SNRNP200: variants seen among roughly 807,000 people sequenced by gnomAD.
SNRNP200 encodes U5 small nuclear ribonucleoprotein 200 kDa helicase.
In SNRNP200, 66 loss-of-function variants were observed where a neutral mutation model predicts 255.2. The ratio of observed to expected loss-of-function variants is 0.26; its 90% CI spans 0.21 to 0.32. SNRNP200 has a LOEUF of 0.32. SNRNP200 is among the 10% of genes least tolerant of loss of function. The pLI, the probability that SNRNP200 is intolerant of heterozygous loss-of-function variation, is 1.00. For missense variants in SNRNP200, 1,585 were observed against 2,749.8 expected (o/e 0.58, Z 9.47); for synonymous variants, 939 against 1,027.8 (o/e 0.91, Z 1.65).
rs1168335471 is a variant in SNRNP200, at chr2:96,286,972, T to C, written c.3639+34A>G. 1 of 1,613,856 alleles carries C rather than the reference T, an allele frequency of 6.2e-7. No individual in the cohort carries two copies. The highest frequency in any genetic ancestry group is 1.3e-5 in the African/African-American group (1 of 74,886). ...GGCCCAGCAACGTAGACTGAGCACC[T>C]CCAATCCAGCACCTCTGCCCAGCAA... On this transcript the variant is annotated intron_variant, in intron 27 of 44. Transcript: ENST00000323853. The surrounding 1 kb of genome is among the most constrained non-coding windows in gnomAD (Gnocchi z 4.8).
At position 96,287,759 on chromosome 2, in the gene SNRNP200, A is replaced by G; in HGVS notation, c.3365+104T>C. On this transcript the variant is annotated intron_variant, in intron 25 of 44. Transcript: ENST00000323853. This position sits in a 1 kb window ranked among gnomAD's most constrained non-coding sequence, Gnocchi z 5.7. ...CACCAAGGTTCAGGTCATACTTCCG[A>G]TGTCAGGTCTGGAGATCAGATGCAC... 1 of 1,059,438 alleles carries G rather than the reference A, an allele frequency of 9.4e-7. No homozygotes were observed. The highest frequency in any genetic ancestry group is 1.5e-6 in the Non-Finnish European group (1 of 675,042). 65.6% of individuals were successfully genotyped at this position (1,059,438 alleles called of 1,614,324 possible). A position where few individuals can be genotyped will look rare whatever the true frequency, so the allele number is the denominator to read the frequency against.
At chr2:96,297,092 C>CA in intron 11 of SNRNP200, 22 bp from the exon 12 acceptor site, 1 of 1,614,132 alleles carries the variant, frequency 6.2e-7, no homozygotes, top group Non-Finnish European at 8.5e-7. Context: ...GAAGTGCCAT[C>CA]AATATCATGT....
rs1351653087 is a variant in SNRNP200, at chr2:96,297,378, G to C, written c.1362C>G (p.Pro454=). ...EVHVPALKPK[P]FGSEEQLLPV... The stretch of plus-strand genomic sequence containing the variant: ...ATTCACTTACTTCTTCTGAGCCAAA[G>C]GGCTTGGGCTTCAGAGCAGGCACAT... The change falls in exon 11 of 45, where the codon CCC becomes CCG. Residue 454 remains proline, a synonymous_variant. Transcript: ENST00000323853. The C allele has an allele frequency of 3.1e-6, 5 of 1,613,828 alleles. No individual in the cohort carries two copies. The highest frequency in any genetic ancestry group is 3.4e-6 in the Non-Finnish European group (4 of 1,180,026).
At chr2:96,295,747 G>A in intron 13 of SNRNP200, 89 bp from the exon 14 acceptor site, 1 of 1,380,170 alleles carries the variant, frequency 7.2e-7, no homozygotes, top group Non-Finnish European at 1.0e-6. Flanking sequence ...GTAGGGCATT[G>A]GGAGCAGGTA....
intron 30 of SNRNP200, 103 bp from the exon 31 acceptor site, chr2:96,284,688 G>T: frequency 2.5e-6 from 2 of 800,558 alleles, no homozygotes; most frequent in Non-Finnish European, 2.2e-6. Flanking sequence ...TTGACCTGCA[G>T]ATCTCAAGCT....
At chr2:96,280,078 T>C (rs1378135825) in intron 35 of SNRNP200, among the ~76,000 whole-genome samples, 2 of 152,188 alleles carry the variant, frequency 1.3e-5, no homozygotes, top group Non-Finnish European at 2.9e-5. Context: ...CCAAACTTCA[T>C]AGTTGTGTAT....
chr2:96,298,193 T>C, intron 9 of SNRNP200, 91 bp downstream of exon 9: 1 of 1,580,386 alleles, frequency 6.3e-7, no homozygotes, highest in Non-Finnish European at 8.7e-7. Flanking sequence ...CTTTTTCAAC[T>C]TCCACTTTTA....
Position 96,298,893 on chromosome 2 carries a change from C to A in SNRNP200, c.804G>T (p.Leu268=). ...CATAGAAACGACTGAGCTGCCGCTG[C>A]AGCCAAAATGCATCAATATCCCGAG... ...LHPRDIDAFW[L]QRQLSRFYDD... The change falls in exon 7 of 45, where the codon CTG becomes CTT. Residue 268 remains leucine (L), a synonymous_variant. Coordinates refer to ENST00000323853, the MANE Select transcript of SNRNP200 (RefSeq NM_014014.5). 6.2e-7 allele frequency: 1 copy of A among 1,614,200 alleles called. No homozygotes were observed. The highest frequency in any genetic ancestry group is 8.5e-7 in the Non-Finnish European group (1 of 1,180,024).
rs756822325 is a variant in SNRNP200, at chr2:96,286,965, G to A, written c.3639+41C>T. On this transcript the variant is annotated intron_variant, in intron 27 of 44. Transcript: ENST00000323853. This position sits in a 1 kb window ranked among gnomAD's most constrained non-coding sequence, Gnocchi z 4.8. Reference sequence around the variant, plus strand: ...TCTCCTCGGCCCAGCAACGTAGACTGAGCACCTCCAATCCAGCACCTCTGC... The same window carrying A: ...TCTCCTCGGCCCAGCAACGTAGACTAAGCACCTCCAATCCAGCACCTCTGC... 4 of 1,613,968 alleles carry A rather than the reference G, an allele frequency of 2.5e-6. No individual in the cohort carries two copies. The Admixed American group carries it at 6.7e-5, about 27-fold the overall frequency.
In SNRNP200 at chr2:96,291,878, C is replaced by T. The variant is rs1477839027; in HGVS notation, c.2183G>A (p.Arg728Gln). Reference protein sequence around the residue: ...KNQVLVFVHSRKETGKTARAI... With the variant: ...KNQVLVFVHSQKETGKTARAI... ...CCTGGCTGTCTTTCCAGTCTCCTTC[C>T]GGGAGTGGACAAACACCAGCACCTA... is the stretch of plus-strand genomic sequence containing the variant. The change falls in exon 17 of 45, where the codon CGG (arginine) becomes CAG (glutamine). Residue 728 changes from arginine (R) to glutamine (Q), a missense_variant. Arg to Gln is a conservative substitution (Grantham distance 43). Around this residue, in one of 9 missense-constraint regions of SNRNP200, gnomAD observed 140 missense variants for 274.9 expected, o/e 0.51. Coordinates refer to ENST00000323853, the MANE Select transcript of SNRNP200 (RefSeq NM_014014.5). The surrounding 1 kb of genome is among the most constrained non-coding windows in gnomAD (Gnocchi z 4.2). 6 of 1,613,970 alleles carry T rather than the reference C, an allele frequency of 3.7e-6. No individual in the cohort carries two copies. Among genetic ancestry groups the T allele is most frequent in the South Asian group, 1.1e-5 (1 of 91,090 alleles).
In SNRNP200 at chr2:96,305,438, G is replaced by T. The variant is rs550918312; in HGVS notation, c.-1C>A. 2 of 1,614,134 alleles carry T rather than the reference G, an allele frequency of 1.2e-6. No homozygotes were observed. The highest frequency in any genetic ancestry group is 2.2e-5 in the South Asian group (2 of 91,090). On this transcript the variant is annotated 5_prime_UTR_variant, in exon 1 of 45. Coordinates refer to ENST00000323853, the MANE Select transcript of SNRNP200 (RefSeq NM_014014.5). ...GACTACGGGCGGTTACATCCGCCAT[G>T]GCCGCGGCTGCTCGGAGGCTTCAGA...
In SNRNP200 at chr2:96,295,528, C is replaced by T; in HGVS notation, c.1802G>A (p.Gly601Asp). ...CACCAGCTGGGTGTAGGTGCGCTCACCACCCTTGCGGGTGATGATGTCCCA... is the reference window on the plus strand; with the variant it reads ...CACCAGCTGGGTGTAGGTGCGCTCATCACCCTTGCGGGTGATGATGTCCCA... ...EKWDIITRKG[G>D]ERTYTQLVRL... Residue 601 changes from glycine (G) to aspartate (D), a missense_variant, in exon 14 of 45, where the codon GGT becomes GAT. Physicochemically the swap from Gly to Asp is moderately conservative, Grantham distance 94. Coordinates refer to ENST00000323853, the MANE Select transcript of SNRNP200 (RefSeq NM_014014.5). 6.2e-7 allele frequency: 1 copy of T among 1,613,974 alleles called. No individual in the cohort carries two copies. Among genetic ancestry groups the T allele is most frequent in the Non-Finnish European group, 8.5e-7 (1 of 1,179,982 alleles).
chr2:96,300,928 C>T lies in SNRNP200; in HGVS notation c.630+70G>A, dbSNP rs928899117. On this transcript the variant is annotated intron_variant, in intron 5 of 44. Coordinates refer to ENST00000323853, the MANE Select transcript of SNRNP200 (RefSeq NM_014014.5). Reference sequence around the variant, plus strand: ...TGGTTTAAACTAGAGAGCTTGTTTACACTAGAAGGGGTCCCTTTACCTTAA... The same window carrying T: ...TGGTTTAAACTAGAGAGCTTGTTTATACTAGAAGGGGTCCCTTTACCTTAA... 66 of 1,291,642 alleles carry T rather than the reference C, an allele frequency of 5.1e-5. No homozygotes were observed. The Middle Eastern group carries it at 1.3e-3, about 25-fold the overall frequency. 80.0% of individuals were successfully genotyped at this position (1,291,642 alleles called of 1,614,324 possible).
At chr2:96,301,101 A>G (rs1411303542) in intron 4 of SNRNP200, 48 bp from the exon 5 acceptor site, 20 of 1,533,612 alleles carry the variant, frequency 1.3e-5, no homozygotes, top group Non-Finnish European at 1.8e-5. Context: ...TGGCTAGTAA[A>G]ACAAGGCACT....
At chr2:96,276,457 A>G (rs1161920081) in intron 43 of SNRNP200, 2 of 155,508 alleles carry the variant, frequency 1.3e-5, no homozygotes, top group Non-Finnish European at 2.7e-5. Flanking sequence ...GAAGTCTCAC[A>G]CTCGCCTGGG....
At chr2:96,282,082 T>C in intron 34 of SNRNP200, 160 bp from the exon 35 acceptor site, 1 of 629,814 alleles carries the variant, frequency 1.6e-6, no homozygotes, top group Non-Finnish European at 2.9e-6. Context: ...GCTAACACAT[T>C]GCTATGAGGT....
chr2:96,296,601 A>T lies in SNRNP200; in HGVS notation c.1606T>A (p.Phe536Ile). ...ATGGGGGCAATGTAGATAATCTTGA[A>T]GTCATCCACATTGATGGTGCCGTCC... Reference protein sequence around the residue: ...NMDGTINVDDFKIIYIAPMRS... With the variant: ...NMDGTINVDDIKIIYIAPMRS... Residue 536 changes from phenylalanine (F) to isoleucine (I), a missense_variant, in exon 13 of 45, where the codon TTC (phenylalanine) becomes ATC (isoleucine). This residue lies in a region of SNRNP200 where 383 missense variants were observed against 645.3 expected (regional missense o/e 0.59). Transcript: ENST00000323853. The T allele has an allele frequency of 6.2e-7, 1 of 1,614,098 alleles. No homozygotes were observed. The highest frequency in any genetic ancestry group is 8.5e-7 in the Non-Finnish European group (1 of 1,179,978).
intron 24 of SNRNP200, 86 bp from the exon 25 acceptor site, chr2:96,288,055 C>T (rs896299807): frequency 2.5e-5 from 30 of 1,200,738 alleles, no homozygotes; most frequent in Non-Finnish European, 3.5e-5. Context: ...TCATTACCTC[C>T]AGCTCTGACA....
Position 96,277,972 on chromosome 2 carries a change from G to A in SNRNP200, c.5611-22C>T. On this transcript the variant is annotated intron_variant, in intron 39 of 44. Transcript: ENST00000323853. The surrounding 1 kb of genome is among the most constrained non-coding windows in gnomAD (Gnocchi z 4.4). Reference sequence around the variant, plus strand: ...CCAACTACAAAGTGGAAGAAAAATAGCTGGTGATGAACAGGTGACCCTGCC... The same window carrying A: ...CCAACTACAAAGTGGAAGAAAAATAACTGGTGATGAACAGGTGACCCTGCC... 2 of 1,614,230 alleles carry A rather than the reference G, an allele frequency of 1.2e-6. No individual in the cohort carries two copies. The highest frequency in any genetic ancestry group is 1.3e-5 in the African/African-American group (1 of 75,066).
Sources: allele counts gnomAD v4.1 joint callset (sites outside exome capture counted in the v4.1 genomes callset), GRCh38; gene constraint gnomAD v4.1.1; regional missense constraint gnomAD v4.1.1; non-coding constraint Gnocchi (gnomAD v3.1); transcripts MANE v1.5; gene names NCBI Gene and HGNC (gene_info 2026-07-23, HGNC 2026-07-21).